Variants in IQCM observed in about 807,000 individuals in gnomAD.
IQCM encodes IQ domain-containing protein M.
Under a neutral mutation model 57.6 loss-of-function variants are expected in IQCM, and 45 were observed. That is an observed-to-expected ratio of 0.78 (90% CI 0.62 to 1.00). IQCM has a LOEUF of 1.00. Ranked by LOEUF, IQCM falls within the 50% of genes least tolerant of loss-of-function variation. The pLI is 0.00. For synonymous variants in IQCM, 148 were observed against 158.9 expected (o/e 0.93, Z 0.51); for missense variants, 468 against 511.6 (o/e 0.91, Z 0.82).
intron 12 of IQCM, among the ~76,000 whole-genome samples, chr4:149,474,059 G>T (rs1025761766): frequency 6.6e-6 from 1 of 151,646 alleles, no homozygotes; most frequent in Admixed American, 6.6e-5. Flanking sequence ...CACCAACATG[G>T]CACATGTATA....
At chr4:149,671,216 T>A (rs1377558089) in intron 7 of IQCM, among the ~76,000 whole-genome samples, 1 of 151,996 alleles carries the variant, frequency 6.6e-6, no homozygotes, top group Admixed American at 6.6e-5. Context: ...CTTGGGAGGG[T>A]GTGTGTGTCC....
chr4:149,554,399 C>T (rs1579468825), intron 10 of IQCM, among the ~76,000 whole-genome samples: 1 of 151,668 alleles, frequency 6.6e-6, no homozygotes, highest in African/African-American at 2.4e-5. Flanking sequence ...TGGAGTGCAC[C>T]TCTGCCTCCT....
intron 2 of IQCM, among the ~76,000 whole-genome samples, chr4:149,765,062 A>C (rs1769909066): frequency 6.6e-6 from 1 of 152,162 alleles, no homozygotes; most frequent in Admixed American, 6.6e-5. Context: ...CCATCAAACC[A>C]GTTCAAAATC....
intron 12 of IQCM, among the ~76,000 whole-genome samples, chr4:149,482,096 A>C (rs1052703867): frequency 1.3e-5 from 2 of 151,974 alleles, no homozygotes; most frequent in Non-Finnish European, 2.9e-5. Context: ...GTTGACATAT[A>C]GAAATGCTAC....
At chr4:149,436,997 T>C (rs1359686187) in intron 12 of IQCM, among the ~76,000 whole-genome samples, 1 of 152,124 alleles carries the variant, frequency 6.6e-6, no homozygotes, top group Non-Finnish European at 1.5e-5. Flanking sequence ...ATGAGGTCAA[T>C]ATTATCATAC....
chr4:149,358,199 C>G (rs528577532), intron 13 of IQCM, among the ~76,000 whole-genome samples: 1 of 152,224 alleles, frequency 6.6e-6, no homozygotes, highest in East Asian at 1.9e-4. Context: ...AAAACCAGCT[C>G]CTGGATTCAT....
intron 5 of IQCM, among the ~76,000 whole-genome samples, chr4:149,726,124 AAAGAAAGAAAGAAAGAAAAG>A (rs1281194554): frequency 3.3e-4 from 48 of 145,794 alleles, no homozygotes; most frequent in Middle Eastern, 3.5e-3. Context: ...AGAAAGAAAG[AAAGAAAGAAAGAAAGAAAAG>A]AAAGAAAGAA....
At chr4:149,661,190 C>T (rs1386609399) in intron 7 of IQCM, among the ~76,000 whole-genome samples, 2 of 151,948 alleles carry the variant, frequency 1.3e-5, no homozygotes, top group Non-Finnish European at 2.9e-5. Context: ...TTGTCAAATG[C>T]TTTTCCTAAA....
chr4:149,411,277 C>T (rs1451945722), intron 13 of IQCM, among the ~76,000 whole-genome samples: 1 of 152,048 alleles, frequency 6.6e-6, no homozygotes, highest in Non-Finnish European at 1.5e-5. Context: ...AAAATACAGA[C>T]TTTGTTCATT....
At chr4:149,573,016 C>T (rs1751309357) in intron 9 of IQCM, among the ~76,000 whole-genome samples, 1 of 151,782 alleles carries the variant, frequency 6.6e-6, no homozygotes, top group African/African-American at 2.4e-5. Context: ...TGCATGAAGA[C>T]ACCCATCCCC....
intron 2 of IQCM, among the ~76,000 whole-genome samples, chr4:149,802,618 T>G (rs1246600183): frequency 6.6e-6 from 1 of 151,992 alleles, no homozygotes; most frequent in Non-Finnish European, 1.5e-5. Flanking sequence ...CTGGGAAGCT[T>G]TCCTAACTTT....
chr4:149,629,094 T>C (rs1757043663), intron 7 of IQCM, among the ~76,000 whole-genome samples: 1 of 152,324 alleles, frequency 6.6e-6, no homozygotes, highest in East Asian at 1.9e-4. Context: ...TAGCAGTTCT[T>C]ACCCTCACCA....
At chr4:149,612,329 A>G (rs896692785) in intron 8 of IQCM, among the ~76,000 whole-genome samples, 2 of 152,150 alleles carry the variant, frequency 1.3e-5, no homozygotes, top group Admixed American at 6.6e-5. Flanking sequence ...ATTCACGGCC[A>G]TCTCTACCAA....
chr4:149,588,864 T>C (rs1458481139), intron 8 of IQCM, among the ~76,000 whole-genome samples: 1 of 151,960 alleles, frequency 6.6e-6, no homozygotes, highest in East Asian at 1.9e-4. Flanking sequence ...ACAATGTCTG[T>C]AACAAAGCAA....
At chr4:149,613,456 A>G (rs998822226) in intron 8 of IQCM, among the ~76,000 whole-genome samples, 2 of 152,070 alleles carry the variant, frequency 1.3e-5, no homozygotes, top group Non-Finnish European at 2.9e-5. Flanking sequence ...GATTCAAGAA[A>G]TTTCTCCAGA....
chr4:149,679,502 G>A (rs1762017473), intron 7 of IQCM, among the ~76,000 whole-genome samples: 1 of 151,496 alleles, frequency 6.6e-6, no homozygotes, highest in Non-Finnish European at 1.5e-5. Flanking sequence ...TTTCAAAATA[G>A]CTAGAAGAGA....
At chr4:149,558,539 A>G (rs2149923126) in intron 10 of IQCM, among the ~76,000 whole-genome samples, 2 of 152,362 alleles carry the variant, frequency 1.3e-5, no homozygotes, top group Non-Finnish European at 2.9e-5. Context: ...TAATCTAATA[A>G]ACAAATATAT....
chr4:149,410,704 G>A (rs931047887), intron 13 of IQCM, among the ~76,000 whole-genome samples: 1 of 151,552 alleles, frequency 6.6e-6, no homozygotes, highest in African/African-American at 2.4e-5. Context: ...TGACATTTAG[G>A]CTAAAATTAG....
chr4:149,397,869 A>C (rs1732340220), intron 13 of IQCM, among the ~76,000 whole-genome samples: 1 of 151,804 alleles, frequency 6.6e-6, no homozygotes, highest in Admixed American at 6.6e-5. Context: ...CTCCCATTTC[A>C]TAGGTTGCCT....
Sources: gnomAD v4.1 joint callset for allele counts (sites outside exome capture counted in the v4.1 genomes callset) on GRCh38, gnomAD v4.1.1 for gene constraint, MANE v1.5 for transcripts, NCBI Gene and HGNC (gene_info 2026-07-23, HGNC 2026-07-21) for gene names.